TERF2: variants seen among roughly 807,000 people sequenced by gnomAD.
TERF2 encodes the protein telomeric repeat-binding factor 2.
TERF2 carries 16 observed loss-of-function variants against 56.1 expected under a neutral mutation model. That is an observed-to-expected ratio of 0.29 (90% CI 0.19 to 0.43). The LOEUF (loss-of-function observed/expected upper bound fraction) is 0.43, where lower values mean the gene tolerates loss of function less well. Among genes scored for constraint, TERF2 ranks in the 20% least tolerant of loss-of-function variants. The pLI, the probability that TERF2 is intolerant of heterozygous loss-of-function variation, is 1.00. For synonymous variants in TERF2, 296 were observed against 282.1 expected, an observed-to-expected ratio of 1.05 and a Z score of -0.50; for missense variants, 547 against 712.9, an observed-to-expected ratio of 0.77 and a Z score of 2.65.
Position 69,356,896 on chromosome 16 carries a change from T to C in TERF2, c.*2A>G, listed in dbSNP as rs1463125349. 1 of 1,610,518 alleles carries C rather than the reference T, an allele frequency of 6.2e-7. No individual in the cohort carries two copies. The highest frequency in any genetic ancestry group is 1.1e-5 in the South Asian group (1 of 90,492). ...TGAATTCTGTGGAAATGAAAGCCTG[T>C]TTCAGTTCATGCCAAGTCTTTTCAT... On this transcript the variant is annotated 3_prime_UTR_variant, in exon 10 of 10. Coordinates refer to ENST00000254942, the MANE Select transcript of TERF2 (RefSeq NM_005652.5).
chr16:69,362,201 C>A (rs1249744779), intron 7 of TERF2, among the ~76,000 whole-genome samples: 2 of 151,864 alleles, frequency 1.3e-5, no homozygotes, highest in Non-Finnish European at 2.9e-5. Flanking sequence ...CTTCCATAAG[C>A]TCTGTACTTT....
chr16:69,373,947 T>A lies in TERF2; in HGVS notation c.607-1592A>T, dbSNP rs572387617. ...AGCAAGGAAATTCATTAAGTACTAA[T>A]CTGTTGCTTCTATCCTCAACGTGTT... is the stretch of plus-strand genomic sequence containing the variant. On this transcript the variant is annotated intron_variant, in intron 3 of 9. Transcript: ENST00000254942. 2.6e-5 allele frequency among the ~76,000 whole-genome samples: 4 copies of A among 152,338 alleles called. No individual in the cohort carries two copies. In the South Asian group the frequency reaches 8.3e-4, roughly 32 times the overall value.
chr16:69,369,776 T>C (rs933667634), intron 5 of TERF2, among the ~76,000 whole-genome samples: 4 of 152,224 alleles, frequency 2.6e-5, no homozygotes, highest in African/African-American at 9.6e-5. Context: ...TTCTTTCAAC[T>C]TTATACTTTC....
At chr16:69,383,177 C>T (rs968881986) in intron 3 of TERF2, among the ~76,000 whole-genome samples, 1 of 152,110 alleles carries the variant, frequency 6.6e-6, no homozygotes, top group Admixed American at 6.5e-5. Flanking sequence ...ACAGGTTGAG[C>T]ATCCTAAATC....
chr16:69,366,550 C>T, intron 7 of TERF2: 2 of 454,730 alleles, frequency 4.4e-6, no homozygotes, highest in Non-Finnish European at 7.8e-6. Context: ...ATGAAAGCAG[C>T]GATGAGTAGG....
At chr16:69,357,620 A>G in intron 8 of TERF2, 59 bp from the exon 9 acceptor site, 1 of 1,590,430 alleles carries the variant, frequency 6.3e-7, no homozygotes, top group Non-Finnish European at 8.5e-7. Flanking sequence ...ACAAACCACA[A>G]GAAAAAGACA....
At chr16:69,385,026 A>G (rs2014138394) in intron 2 of TERF2, among the ~76,000 whole-genome samples, 1 of 152,210 alleles carries the variant, frequency 6.6e-6, no homozygotes, top group South Asian at 2.1e-4. Context: ...GACAACAGCT[A>G]AATAGCTTTC....
chr16:69,357,695 C>T, intron 8 of TERF2, 134 bp from the exon 9 acceptor site: 1 of 1,025,306 alleles, frequency 9.8e-7, no homozygotes, highest in Non-Finnish European at 1.4e-6. Flanking sequence ...AAGGATATCA[C>T]TAAAGGATAA....
intron 3 of TERF2, among the ~76,000 whole-genome samples, chr16:69,375,408 T>C (rs1035897480): frequency 2.0e-5 from 3 of 152,152 alleles, no homozygotes; most frequent in Non-Finnish European, 4.4e-5. Flanking sequence ...TAGTGCTTTT[T>C]AAAAAATAGG....
At chr16:69,367,775 A>T (rs1019013986) in intron 6 of TERF2, among the ~76,000 whole-genome samples, 20 of 152,130 alleles carry the variant, frequency 1.3e-4, no homozygotes, top group African/African-American at 4.8e-4. Flanking sequence ...ATGAAAAAAA[A>T]TTTTTTAAGT....
At chr16:69,379,921 T>G (rs1276194846) in intron 3 of TERF2, among the ~76,000 whole-genome samples, 2 of 150,898 alleles carry the variant, frequency 1.3e-5, no homozygotes, top group African/African-American at 4.9e-5. Flanking sequence ...TAGAGTGGGG[T>G]TTTTTTTTGA....
At position 69,356,129 on chromosome 16, in the gene TERF2, A is replaced by G. The variant is rs2012886223; in HGVS notation, c.*769T>C. The G allele has an allele frequency of 2.3e-6, 1 of 441,854 alleles. No homozygotes were observed. Among genetic ancestry groups the G allele is most frequent in the South Asian group, 1.6e-5 (1 of 61,574 alleles). 27.4% of individuals were successfully genotyped at this position (441,854 alleles called of 1,614,324 possible). On this transcript the variant is annotated 3_prime_UTR_variant, in exon 10 of 10. Coordinates refer to ENST00000254942, the MANE Select transcript of TERF2 (RefSeq NM_005652.5). ...ACTGGTCTGTCATCAACCTGGGTTC[A>G]TAACAGACTAAGTTCCTTTGCATTT...
chr16:69,362,667 A>G (rs1269634909), intron 7 of TERF2, among the ~76,000 whole-genome samples: 1 of 152,178 alleles, frequency 6.6e-6, no homozygotes, highest in Non-Finnish European at 1.5e-5. Context: ...CCAAACTCAA[A>G]TTATTCAATG....
In TERF2 at chr16:69,372,375, T is replaced by G. The variant is rs766495394; in HGVS notation, c.607-20A>C. ...GACAGCCTAAAAAGGAGGGGAAAAA[T>G]CTTTTTTTACTTTTGTAATGACAGG... is the stretch of plus-strand genomic sequence containing the variant. On this transcript the variant is annotated intron_variant, in intron 3 of 9. Coordinates refer to ENST00000254942, the MANE Select transcript of TERF2 (RefSeq NM_005652.5). 5 of 1,543,822 alleles carry G rather than the reference T, an allele frequency of 3.2e-6. No homozygotes were observed. In the Admixed American group the frequency reaches 9.1e-5, roughly 28 times the overall value.
chr16:69,385,362 C>T (rs200524150), intron 2 of TERF2, 29 bp downstream of exon 2: 1 of 1,586,194 alleles, frequency 6.3e-7, no homozygotes, highest in East Asian at 2.2e-5. Flanking sequence ...CGCAAGTAAG[C>T]CCAGAGAAGA....
intron 7 of TERF2, among the ~76,000 whole-genome samples, chr16:69,363,054 T>C (rs1377110800): frequency 2.0e-5 from 3 of 152,228 alleles, no homozygotes; most frequent in Non-Finnish European, 4.4e-5. Context: ...TAGACCTAAC[T>C]TTCTCTTGTT....
chr16:69,372,167 A>T (rs931025549), intron 4 of TERF2, 102 bp downstream of exon 4: 22 of 742,412 alleles, frequency 3.0e-5, no homozygotes, highest in Non-Finnish European at 4.4e-5. Context: ...TTGAAAGGAG[A>T]ATATTTAAGT....
intron 3 of TERF2, among the ~76,000 whole-genome samples, chr16:69,374,710 G>A (rs1006532745): frequency 2.1e-5 from 3 of 141,238 alleles, no homozygotes; most frequent in Non-Finnish European, 4.5e-5. Context: ...GCTCGCGCCT[G>A]TAATCCCAGC....
chr16:69,366,812 A>T lies in TERF2; in HGVS notation c.1335T>A (p.Asn445Lys). The T allele has an allele frequency of 6.2e-7, 1 of 1,605,754 alleles. No individual in the cohort carries two copies. The change falls in exon 7 of 10, where the codon AAT (asparagine) becomes AAA (lysine). Residue 445 changes from asparagine to lysine, a missense_variant. Physicochemically the swap from Asn to Lys is moderately conservative, Grantham distance 94. Coordinates refer to ENST00000254942, the MANE Select transcript of TERF2 (RefSeq NM_005652.5). ...VLNQPLPGEK[N>K]PKVPKGKWNS... ...TACAAAGAAGGTCTTCATACTTGGG[A>T]TTCTTCTCTCCAGGGAGGGGTTGGT...
Sources: allele counts gnomAD v4.1 joint callset (sites outside exome capture counted in the v4.1 genomes callset), GRCh38; gene constraint gnomAD v4.1.1; transcripts MANE v1.5; gene names NCBI Gene and HGNC (gene_info 2026-07-23, HGNC 2026-07-21).